FAT4: variants seen among roughly 807,000 people sequenced by gnomAD.
FAT4 encodes the protein protocadherin Fat 4.
Under a neutral mutation model 303.9 loss-of-function variants are expected in FAT4, and 84 were observed. The ratio of observed to expected loss-of-function variants is 0.28; its 90% CI spans 0.23 to 0.33. The LOEUF is 0.33. Among genes scored for constraint, FAT4 ranks in the 10% least tolerant of loss-of-function variants. The pLI is 1.00. For missense variants in FAT4, 6,005 were observed against 6,146.8 expected (o/e 0.98, Z 0.77); for synonymous variants, 2,307 against 2,298.8 (o/e 1.00, Z -0.10).
chr4:125,350,043 G>T (rs1732162918), intron 2 of FAT4, among the ~76,000 whole-genome samples: 1 of 151,528 alleles, frequency 6.6e-6, no homozygotes, highest in South Asian at 2.1e-4. Flanking sequence ...AATGGAGTTT[G>T]GTTATTTGGC....
intron 7 of FAT4, among the ~76,000 whole-genome samples, chr4:125,433,842 T>C (rs1725358664): frequency 6.6e-6 from 1 of 151,114 alleles, no homozygotes; most frequent in South Asian, 2.2e-4. Context: ...TTTTTAACAT[T>C]GCCTTGTTAG....
intron 14 of FAT4, among the ~76,000 whole-genome samples, chr4:125,478,706 T>G (rs1225969508): frequency 3.3e-5 from 5 of 152,080 alleles, no homozygotes; most frequent in Non-Finnish European, 5.9e-5. Flanking sequence ...AATTTTTGTA[T>G]TTTTAGTAGA....
intron 10 of FAT4, among the ~76,000 whole-genome samples, chr4:125,461,199 C>G (rs748407668): frequency 6.6e-6 from 1 of 151,904 alleles, no homozygotes; most frequent in Non-Finnish European, 1.5e-5. Context: ...ACTCAGATGT[C>G]TATGTTAAAA....
rs752581597 is a variant in FAT4, at chr4:125,316,838, A to T, written c.427A>T (p.Thr143Ser). 6.2e-7 allele frequency: 1 copy of T among 1,614,012 alleles called. No individual in the cohort carries two copies. Among genetic ancestry groups the T allele is most frequent in the Non-Finnish European group, 8.5e-7 (1 of 1,179,996 alleles). The change falls in exon 2 of 18, where the codon ACT becomes TCT. Residue 143 changes from threonine to serine, a missense_variant. Coordinates refer to ENST00000394329, the MANE Select transcript of FAT4 (RefSeq NM_001291303.3). The surrounding 1 kb of genome is among the most constrained non-coding windows in gnomAD (Gnocchi z 5.7). ...PVFPDPSIVVTFKEDSSSGRQ... is the reference protein window; with the variant it reads ...PVFPDPSIVVSFKEDSSSGRQ... ...TTTCCCGGACCCCTCTATCGTGGTCACTTTCAAGGAAGACAGTAGCAGCGG... is the reference window on the plus strand; with the variant it reads ...TTTCCCGGACCCCTCTATCGTGGTCTCTTTCAAGGAAGACAGTAGCAGCGG...
chr4:125,418,608 A>G (rs925257698), intron 7 of FAT4, among the ~76,000 whole-genome samples: 1 of 152,054 alleles, frequency 6.6e-6, no homozygotes, highest in Non-Finnish European at 1.5e-5. Context: ...AAATTGCTAA[A>G]CAGACTACAA....
intron 3 of FAT4, among the ~76,000 whole-genome samples, chr4:125,403,157 A>C (rs1560800798): frequency 6.6e-6 from 1 of 152,092 alleles, no homozygotes; most frequent in Non-Finnish European, 1.5e-5. Flanking sequence ...CTATCTGTCA[A>C]GGGTTGTTCT....
chr4:125,375,986 AG>A (rs1404823129), intron 2 of FAT4, among the ~76,000 whole-genome samples: 1 of 152,222 alleles, frequency 6.6e-6, no homozygotes, highest in Non-Finnish European at 1.5e-5. Flanking sequence ...AATAGCGTCA[AG>A]ACTAGAACCC....
In FAT4 at chr4:125,408,888, T is replaced by G. The variant is rs547248786; in HGVS notation, c.5920+94T>G. On this transcript the variant is annotated intron_variant, in intron 5 of 17. Coordinates refer to ENST00000394329, the MANE Select transcript of FAT4 (RefSeq NM_001291303.3). The stretch of plus-strand genomic sequence containing the variant: ...TTATTGTGTTGAGCTGTCACAAAAA[T>G]GCATTTTGTGAATATAGGTTGGAAG... 8 of 645,310 alleles carry G rather than the reference T, an allele frequency of 1.2e-5. No homozygotes were observed. In the South Asian group the frequency reaches 2.7e-4, roughly 22 times the overall value. 40.0% of individuals were successfully genotyped at this position (645,310 alleles called of 1,614,324 possible). A position where few individuals can be genotyped will look rare whatever the true frequency, so the allele number is the denominator to read the frequency against.
intron 2 of FAT4, among the ~76,000 whole-genome samples, chr4:125,358,666 CT>C (rs1365519973): frequency 6.6e-6 from 1 of 152,120 alleles, no homozygotes; most frequent in African/African-American, 2.4e-5. Flanking sequence ...AGAGATGAAG[CT>C]TCACTCCCTT....
intron 3 of FAT4, among the ~76,000 whole-genome samples, chr4:125,401,115 A>G (rs926399543): frequency 6.6e-6 from 1 of 152,176 alleles, no homozygotes; most frequent in South Asian, 2.1e-4. Flanking sequence ...TGTTTTTTAA[A>G]GAAAAAGCTC....
intron 2 of FAT4, among the ~76,000 whole-genome samples, chr4:125,388,552 T>C (rs999430866): frequency 6.6e-5 from 10 of 152,188 alleles, no homozygotes; most frequent in Admixed American, 1.3e-4. Flanking sequence ...AAGAATAGTA[T>C]AAAAATTTCC....
At chr4:125,417,210 C>A (rs1033976358) in intron 7 of FAT4, among the ~76,000 whole-genome samples, 2 of 152,048 alleles carry the variant, frequency 1.3e-5, no homozygotes, top group African/African-American at 4.8e-5. Context: ...CTGGATGTGA[C>A]CTTACACTCT....
intron 2 of FAT4, among the ~76,000 whole-genome samples, chr4:125,371,062 C>T (rs570018909): frequency 5.3e-5 from 8 of 149,848 alleles, no homozygotes; most frequent in South Asian, 2.1e-4. Context: ...GCAGGCAAAT[C>T]GCTTAAATCT....
At position 125,316,508 on chromosome 4, in the gene FAT4, T is replaced by C; in HGVS notation, c.97T>C (p.Leu33=). Residue 33 remains leucine (L), a synonymous_variant, in exon 2 of 18, where the codon TTG becomes CTG. Coordinates refer to ENST00000394329, the MANE Select transcript of FAT4 (RefSeq NM_001291303.3). The surrounding 1 kb of genome is among the most constrained non-coding windows in gnomAD (Gnocchi z 5.7). ...QLLRVFWLLS[L]LPGQAWVHGA... is the part of the protein sequence containing the mutation. ...CCTTCGAGTGTTTTGGCTACTGTCA[T>C]TGCTTCCGGGGCAGGCCTGGGTCCA... 1.2e-6 allele frequency: 2 copies of C among 1,613,940 alleles called. No homozygotes were observed. The highest frequency in any genetic ancestry group is 1.7e-6 in the Non-Finnish European group (2 of 1,180,032).
chr4:125,405,965 C>T (rs1313274076), intron 3 of FAT4, among the ~76,000 whole-genome samples: 3 of 152,072 alleles, frequency 2.0e-5, no homozygotes, highest in Non-Finnish European at 2.9e-5. Flanking sequence ...AATATTTTCT[C>T]ACATCCCATA....
At chr4:125,390,112 T>A (rs1192541421) in intron 2 of FAT4, among the ~76,000 whole-genome samples, 5 of 152,134 alleles carry the variant, frequency 3.3e-5, no homozygotes, top group African/African-American at 1.2e-4. Context: ...TTCGTGGCAA[T>A]ACAGCTCTTT....
intron 16 of FAT4, among the ~76,000 whole-genome samples, chr4:125,485,704 T>C (rs1727385536): frequency 6.6e-6 from 1 of 152,192 alleles, no homozygotes; most frequent in Non-Finnish European, 1.5e-5. Flanking sequence ...AAAAACGGTG[T>C]AGTAAATGCA....
intron 10 of FAT4, among the ~76,000 whole-genome samples, chr4:125,457,331 T>C (rs1338805465): frequency 6.6e-6 from 1 of 152,038 alleles, no homozygotes; most frequent in Admixed American, 6.6e-5. Context: ...AGTATGAAAA[T>C]GATAATCATG....
At position 125,447,346 on chromosome 4, in the gene FAT4, C is replaced by T. The variant is rs148240826; in HGVS notation, c.7450+803C>T. 2.0e-3 allele frequency among the ~76,000 whole-genome samples: 311 copies of T among 152,118 alleles called. 2 individuals are homozygous for T. Among genetic ancestry groups the T allele is most frequent in the African/African-American group, 6.8e-3 (283 of 41,524 alleles). The stretch of plus-strand genomic sequence containing the variant: ...AACTTAACAGATAGAGTTAACAGAT[C>T]CTCCTTTCAGTGATCTTTGATCTTC... On this transcript the variant is annotated intron_variant, in intron 9 of 17. Transcript: ENST00000394329.
Sources: allele counts gnomAD v4.1 joint callset (sites outside exome capture counted in the v4.1 genomes callset), GRCh38; gene constraint gnomAD v4.1.1; non-coding constraint Gnocchi (gnomAD v3.1); transcripts MANE v1.5; gene names NCBI Gene and HGNC (gene_info 2026-07-23, HGNC 2026-07-21).